KCNJ16: variants seen among roughly 807,000 people sequenced by gnomAD.
KCNJ16 encodes the protein potassium inwardly rectifying channel subfamily J member 16, also known as inward rectifier potassium channel 16.
In KCNJ16, 15 loss-of-function variants were observed where a neutral mutation model predicts 18.5. The observed-to-expected ratio is 0.81, with a 90% CI of 0.54 to 1.25. KCNJ16 has a LOEUF of 1.25. Ranked by LOEUF, KCNJ16 falls within the 50% of genes most tolerant of loss-of-function variation. The pLI is 0.00. For missense variants in KCNJ16, 523 were observed against 525.7 expected (o/e 0.99, Z 0.05); for synonymous variants, 174 against 186.5 (o/e 0.93, Z 0.55).
chr17:70,077,703 T>G (rs1008300143), intron 1 of KCNJ16, among the ~76,000 whole-genome samples: 3 of 151,960 alleles, frequency 2.0e-5, no homozygotes, highest in African/African-American at 7.3e-5. Flanking sequence ...TTGTTTTTTC[T>G]TGCATTTTAG....
intron 2 of KCNJ16, among the ~76,000 whole-genome samples, chr17:70,109,044 C>G (rs2073070869): frequency 6.6e-6 from 1 of 152,164 alleles, no homozygotes; most frequent in African/African-American, 2.4e-5. Context: ...GAGTTCTGCT[C>G]TGAACCTGTG....
chr17:70,117,214 T>C (rs2073444724), intron 2 of KCNJ16, among the ~76,000 whole-genome samples: 1 of 152,114 alleles, frequency 6.6e-6, no homozygotes, highest in African/African-American at 2.4e-5. Context: ...GAAAACCAAA[T>C]ACTGCATGTT....
At chr17:70,110,199 G>C (rs2073126157) in intron 2 of KCNJ16, among the ~76,000 whole-genome samples, 1 of 152,048 alleles carries the variant, frequency 6.6e-6, no homozygotes, top group African/African-American at 2.4e-5. Context: ...CATTAATGCA[G>C]GGCTGCCACT....
At chr17:70,118,257 C>T (rs1001658339) in intron 2 of KCNJ16, among the ~76,000 whole-genome samples, 2 of 151,672 alleles carry the variant, frequency 1.3e-5, no homozygotes, top group African/African-American at 4.8e-5. Context: ...TGGGGCCTGT[C>T]GGGGGTTCGG....
chr17:70,104,471 G>A (rs565353042), intron 2 of KCNJ16, among the ~76,000 whole-genome samples: 3 of 152,324 alleles, frequency 2.0e-5, no homozygotes, highest in Admixed American at 2.0e-4. Flanking sequence ...GATGCTGTTT[G>A]CCATAGGTAT....
chr17:70,083,217 T>C (rs561562952), intron 1 of KCNJ16, among the ~76,000 whole-genome samples: 1 of 148,570 alleles, frequency 6.7e-6, no homozygotes, highest in Non-Finnish European at 1.5e-5. Flanking sequence ...ATATATAATA[T>C]GTAAAGAGAT....
At chr17:70,123,417 T>C (rs1264663372) in intron 2 of KCNJ16, among the ~76,000 whole-genome samples, 4 of 152,136 alleles carry the variant, frequency 2.6e-5, no homozygotes, top group African/African-American at 4.8e-5. Flanking sequence ...CTTCCTCTTC[T>C]TATTGAGTTA....
chr17:70,131,497 T>C, intron 3 of KCNJ16: 1 of 995,220 alleles, frequency 1.0e-6, no homozygotes, highest in Non-Finnish European at 1.2e-6. Flanking sequence ...GATTACCTAT[T>C]ACACTAACAA....
At chr17:70,107,232 C>T (rs2072972586) in intron 2 of KCNJ16, among the ~76,000 whole-genome samples, 1 of 152,164 alleles carries the variant, frequency 6.6e-6, no homozygotes, top group African/African-American at 2.4e-5. Flanking sequence ...ACTAGACTGA[C>T]TCAAAAATCA....
At chr17:70,097,732 T>C (rs1380723687) in intron 1 of KCNJ16, among the ~76,000 whole-genome samples, 3 of 152,220 alleles carry the variant, frequency 2.0e-5, no homozygotes, top group Non-Finnish European at 4.4e-5. Flanking sequence ...TCCATAGACC[T>C]GATTGCATCT....
At chr17:70,079,381 G>A (rs1461062255) in intron 1 of KCNJ16, among the ~76,000 whole-genome samples, 2 of 152,172 alleles carry the variant, frequency 1.3e-5, no homozygotes, top group East Asian at 1.9e-4. Context: ...GTCTACAGAT[G>A]AGAAATGTTC....
intron 1 of KCNJ16, among the ~76,000 whole-genome samples, chr17:70,097,998 A>G (rs912398863): frequency 2.0e-5 from 3 of 152,190 alleles, no homozygotes; most frequent in African/African-American, 7.2e-5. Context: ...AGATTGTGTT[A>G]GTCTCCTGAT....
At chr17:70,129,422 G>A (rs1307610409) in intron 2 of KCNJ16, among the ~76,000 whole-genome samples, 3 of 152,164 alleles carry the variant, frequency 2.0e-5, no homozygotes, top group African/African-American at 4.8e-5. Context: ...ATTTCATCTA[G>A]TTAGTGTGAC....
chr17:70,103,284 A>ATGTGTGTGTGTGTGTGTG (rs1426685277), intron 2 of KCNJ16, among the ~76,000 whole-genome samples: 4 of 15,212 alleles, frequency 2.6e-4, no homozygotes, highest in African/African-American at 7.6e-4. Flanking sequence ...TAATATGCAT[A>ATGTGTGTGTGTGTGTGTG]TATGTGTGTG....
intron 1 of KCNJ16, among the ~76,000 whole-genome samples, chr17:70,093,665 G>A (rs1161015402): frequency 6.6e-6 from 1 of 152,068 alleles, no homozygotes; most frequent in Non-Finnish European, 1.5e-5. Flanking sequence ...TTATAAAAGG[G>A]TAGAGAAACA....
At chr17:70,079,669 C>A (rs1038265646) in intron 1 of KCNJ16, among the ~76,000 whole-genome samples, 6 of 152,058 alleles carry the variant, frequency 3.9e-5, no homozygotes, top group African/African-American at 1.4e-4. Context: ...CATATAGAAG[C>A]ATCCATTAAT....
chr17:70,110,074 G>A (rs181915175), intron 2 of KCNJ16, among the ~76,000 whole-genome samples: 42 of 152,252 alleles, frequency 2.8e-4, no homozygotes, highest in Admixed American at 1.8e-3. Context: ...CTCCAGACAC[G>A]AAGATGGAAA....
intron 1 of KCNJ16, among the ~76,000 whole-genome samples, chr17:70,085,426 G>A (rs1416329553): frequency 2.0e-5 from 3 of 152,196 alleles, no homozygotes; most frequent in African/African-American, 7.2e-5. Context: ...GACATAGCTA[G>A]ATTTGAACTA....
Position 70,077,117 on chromosome 17 carries a change from G to A in KCNJ16, c.-300+1727G>A, listed in dbSNP as rs534568413. 4.6e-5 allele frequency among the ~76,000 whole-genome samples: 7 copies of A among 152,328 alleles called. No homozygotes were observed. In the South Asian group the frequency reaches 6.2e-4, roughly 14 times the overall value. On this transcript the variant is annotated intron_variant, in intron 1 of 3. Coordinates refer to ENST00000392671, the MANE Select transcript of KCNJ16 (RefSeq NM_170741.4). ...GCCCTAAGGCTGAGGTGTGCCTGGC[G>A]AGTTAACAAAACAGCAAAGAGGCCA...
Sources: allele counts gnomAD v4.1 joint callset (sites outside exome capture counted in the v4.1 genomes callset), GRCh38; gene constraint gnomAD v4.1.1; transcripts MANE v1.5; gene names NCBI Gene and HGNC (gene_info 2026-07-23, HGNC 2026-07-21).